The following CAMK1D variants were observed in gnomAD, a reference collection of about 807,000 sequenced individuals.
The protein encoded by CAMK1D is calcium/calmodulin-dependent protein kinase type 1D.
CAMK1D carries 9 observed loss-of-function variants against 47.7 expected under a neutral mutation model. The ratio of observed to expected loss-of-function variants is 0.19; its 90% CI spans 0.11 to 0.33. The LOEUF is 0.33. Ranked by LOEUF, CAMK1D falls within the 10% of genes least tolerant of loss-of-function variation. CAMK1D has a pLI of 1.00. For synonymous variants in CAMK1D, 184 were observed against 184.9 expected, an observed-to-expected ratio of 0.99 and a Z score of 0.04; for missense variants, 291 against 488.7, an observed-to-expected ratio of 0.60 and a Z score of 3.81.
intron 1 of CAMK1D, among the ~76,000 whole-genome samples, chr10:12,510,294 T>C (rs947395611): frequency 6.6e-6 from 1 of 152,194 alleles, no homozygotes; most frequent in Non-Finnish European, 1.5e-5. Context: ...CACATACCTG[T>C]AATCCGAGTT....
chr10:12,547,970 T>C (rs1836451010), intron 1 of CAMK1D, among the ~76,000 whole-genome samples: 3 of 152,200 alleles, frequency 2.0e-5, no homozygotes, highest in Admixed American at 1.3e-4. Flanking sequence ...TGGCAGCTCA[T>C]CTGACGACAG....
intron 8 of CAMK1D, 51 bp from the exon 9 acceptor site, chr10:12,824,414 G>A (rs369577171): frequency 5.8e-5 from 88 of 1,516,794 alleles, no homozygotes; most frequent in Non-Finnish European, 7.6e-5. Context: ...GGGACGCAGT[G>A]TCAGGGCCCA....
At chr10:12,468,221 AT>A (rs1030810766) in intron 1 of CAMK1D, among the ~76,000 whole-genome samples, 1 of 151,646 alleles carries the variant, frequency 6.6e-6, no homozygotes, top group Non-Finnish European at 1.5e-5. Context: ...ACATCCAGCT[AT>A]TTTTTTTATA....
At chr10:12,740,001 T>C (rs776764516) in intron 3 of CAMK1D, among the ~76,000 whole-genome samples, 2 of 152,246 alleles carry the variant, frequency 1.3e-5, no homozygotes, top group African/African-American at 2.4e-5. Flanking sequence ...ATGCCAAATA[T>C]ATTTCCTACC....
chr10:12,687,066 T>G (rs956784179), intron 3 of CAMK1D, among the ~76,000 whole-genome samples: 1 of 152,276 alleles, frequency 6.6e-6, no homozygotes, highest in African/African-American at 2.4e-5. Flanking sequence ...TGTAGAGAGA[T>G]ATGATTGAGA....
At chr10:12,725,154 C>G (rs1345028284) in intron 3 of CAMK1D, 1 of 153,858 alleles carries the variant, frequency 6.5e-6, no homozygotes, top group Non-Finnish European at 1.5e-5. Flanking sequence ...CAGATCCCTG[C>G]CTGGTACCTG....
intron 3 of CAMK1D, among the ~76,000 whole-genome samples, chr10:12,679,911 G>A (rs1428539556): frequency 6.6e-6 from 1 of 152,156 alleles, no homozygotes; most frequent in Admixed American, 6.5e-5. Context: ...ACCAAAGCAT[G>A]CTGCATAATC....
chr10:12,516,951 C>T (rs369691340), intron 1 of CAMK1D, among the ~76,000 whole-genome samples: 2 of 152,144 alleles, frequency 1.3e-5, no homozygotes, highest in African/African-American at 4.8e-5. Context: ...GGGATTGCAT[C>T]GAATCTGTAC....
chr10:12,804,376 G>A (rs1181729537), intron 6 of CAMK1D, among the ~76,000 whole-genome samples: 1 of 152,132 alleles, frequency 6.6e-6, no homozygotes, highest in Non-Finnish European at 1.5e-5. Flanking sequence ...CACTTTGGGA[G>A]GCAGAGGTGG....
At chr10:12,708,423 C>G (rs1036345311) in intron 3 of CAMK1D, among the ~76,000 whole-genome samples, 1 of 152,124 alleles carries the variant, frequency 6.6e-6, no homozygotes, top group African/African-American at 2.4e-5. Flanking sequence ...ATATGCTGTG[C>G]ACTCCCCCTT....
chr10:12,541,842 T>TCTTCCTTCCTTCTTC (rs1836194199), intron 1 of CAMK1D, among the ~76,000 whole-genome samples: 1 of 116,608 alleles, frequency 8.6e-6, no homozygotes, highest in East Asian at 2.6e-4. Context: ...CTGTGTTTTA[T>TCTTCCTTCCTTCTTC]CTTCCTTCCT....
At chr10:12,357,516 G>A (rs57219676) in intron 1 of CAMK1D, among the ~76,000 whole-genome samples, 11,195 of 152,086 alleles carry the variant, frequency 0.074, 1,041 homozygotes, top group African/African-American at 0.21. Flanking sequence ...ATGTTTCAAC[G>A]TGTTGCCCAG....
At chr10:12,551,357 A>C (rs1042315759) in intron 1 of CAMK1D, among the ~76,000 whole-genome samples, 28 of 152,156 alleles carry the variant, frequency 1.8e-4, no homozygotes, top group African/African-American at 6.8e-4. Context: ...TCACCCCCAG[A>C]TGGGACCGAC....
At chr10:12,552,590 T>C (rs1341274670) in intron 1 of CAMK1D, among the ~76,000 whole-genome samples, 1 of 152,208 alleles carries the variant, frequency 6.6e-6, no homozygotes, top group Non-Finnish European at 1.5e-5. Flanking sequence ...AGGAACCTCT[T>C]GTGGGAGCGT....
chr10:12,437,082 A>G (rs899658300), intron 1 of CAMK1D, among the ~76,000 whole-genome samples: 9 of 148,954 alleles, frequency 6.0e-5, no homozygotes, highest in Non-Finnish European at 1.0e-4. Flanking sequence ...AATGGCATCT[A>G]CTAGGGAAGC....
intron 3 of CAMK1D, among the ~76,000 whole-genome samples, chr10:12,714,214 AC>A (rs1179057825): frequency 6.6e-6 from 1 of 151,624 alleles, no homozygotes; most frequent in Non-Finnish European, 1.5e-5. Flanking sequence ...CCCCACCGTC[AC>A]CCCCCACCCC....
At chr10:12,807,611 C>T (rs1838791950) in intron 6 of CAMK1D, among the ~76,000 whole-genome samples, 1 of 152,200 alleles carries the variant, frequency 6.6e-6, no homozygotes, top group Non-Finnish European at 1.5e-5. Context: ...GCTGGAATTA[C>T]CAGGTGCTGT....
At chr10:12,518,648 TTG>T (rs1835285509) in intron 1 of CAMK1D, among the ~76,000 whole-genome samples, 1 of 94,862 alleles carries the variant, frequency 1.1e-5, no homozygotes, top group South Asian at 5.4e-4. Context: ...TCCGCAGTGT[TTG>T]TGTCCCTGGG....
intron 3 of CAMK1D, among the ~76,000 whole-genome samples, chr10:12,751,698 G>A (rs963096787): frequency 5.9e-5 from 9 of 152,176 alleles, no homozygotes; most frequent in Non-Finnish European, 1.0e-4. Context: ...CTGTAGTAGC[G>A]ACATTCAAGC....
Sources: allele counts gnomAD v4.1 joint callset (sites outside exome capture counted in the v4.1 genomes callset), GRCh38; gene constraint gnomAD v4.1.1; transcripts MANE v1.5; gene names NCBI Gene and HGNC (gene_info 2026-07-23, HGNC 2026-07-21).